PTPRD: variants seen among roughly 807,000 people sequenced by gnomAD.
PTPRD encodes receptor-type tyrosine-protein phosphatase delta.
PTPRD carries 34 observed loss-of-function variants against 214.5 expected under a neutral mutation model. The observed-to-expected ratio is 0.16, with a 90% CI of 0.12 to 0.21. PTPRD has a LOEUF of 0.21. PTPRD is among the 10% of genes least tolerant of loss of function. The pLI, the probability that PTPRD is intolerant of heterozygous loss-of-function variation, is 1.00. For synonymous variants in PTPRD, 1,128 were observed against 845.7 expected (o/e 1.33, Z -5.79); for missense variants, 2,545 against 2,398.7 (o/e 1.06, Z -1.27).
intron 14 of PTPRD, among the ~76,000 whole-genome samples, chr9:8,626,187 A>G (rs1331210711): frequency 1.3e-5 from 2 of 151,868 alleles, no homozygotes; most frequent in East Asian, 3.9e-4. Flanking sequence ...AAACTGCTCA[A>G]ATTTTATCAA....
rs953768946 is a variant in PTPRD at position 8,316,209 on chromosome 9, A to C, written c.*1665T>G. The C allele has an allele frequency of 4.4e-6, 1 of 229,812 alleles. No individual in the cohort carries two copies. Among genetic ancestry groups the C allele is most frequent in the African/African-American group, 2.2e-5 (1 of 45,120 alleles). 14.2% of individuals were successfully genotyped at this position (229,812 alleles called of 1,614,324 possible). On this transcript the variant is annotated 3_prime_UTR_variant, in exon 46 of 46. Transcript: ENST00000381196. ...CGACTTGGCTGAAAACTAGGAATGC[A>C]TATTATTCAAAGAGTTTTTGTACAT... is the stretch of plus-strand genomic sequence containing the variant.
chr9:9,078,916 A>G (rs926143262), intron 10 of PTPRD, among the ~76,000 whole-genome samples: 8 of 152,086 alleles, frequency 5.3e-5, no homozygotes, highest in Non-Finnish European at 1.0e-4. Flanking sequence ...CAGGGTAATT[A>G]GCATATTTCA....
intron 11 of PTPRD, among the ~76,000 whole-genome samples, chr9:8,824,503 G>C (rs947774869): frequency 3.9e-5 from 6 of 152,174 alleles, no homozygotes; most frequent in African/African-American, 1.4e-4. Context: ...GTATCTGTAA[G>C]ATTAGTTAAC....
At chr9:10,578,234 T>G (rs1286711288) in intron 2 of PTPRD, among the ~76,000 whole-genome samples, 1 of 152,012 alleles carries the variant, frequency 6.6e-6, no homozygotes, top group Non-Finnish European at 1.5e-5. Flanking sequence ...TCACTGAGGG[T>G]TTCTCGAATG....
intron 10 of PTPRD, among the ~76,000 whole-genome samples, chr9:9,128,588 G>C (rs2099837743): frequency 1.3e-5 from 2 of 152,216 alleles, no homozygotes; most frequent in South Asian, 4.1e-4. Flanking sequence ...AAGTATAATA[G>C]TCTATACATG....
intron 3 of PTPRD, among the ~76,000 whole-genome samples, chr9:10,047,203 G>A (rs1370093049): frequency 3.3e-5 from 5 of 151,886 alleles, no homozygotes; most frequent in Admixed American, 1.3e-4. Context: ...TGGCACTGGT[G>A]TGCAAATCTC....
intron 8 of PTPRD, among the ~76,000 whole-genome samples, chr9:9,472,298 G>T (rs1278217723): frequency 6.6e-6 from 1 of 150,614 alleles, no homozygotes; most frequent in Non-Finnish European, 1.5e-5. Context: ...CCGCTTCCCG[G>T]GTTCACGCCA....
At chr9:9,246,088 G>T (rs1205220810) in intron 9 of PTPRD, among the ~76,000 whole-genome samples, 2 of 151,922 alleles carry the variant, frequency 1.3e-5, no homozygotes. Flanking sequence ...ATTTTACTTT[G>T]ATTATCTTTG....
intron 9 of PTPRD, among the ~76,000 whole-genome samples, chr9:9,310,199 G>T (rs537515194): frequency 6.6e-6 from 1 of 152,282 alleles, no homozygotes; most frequent in Non-Finnish European, 1.5e-5. Flanking sequence ...GTGTGGCTTG[G>T]AGAGGAAAGT....
intron 9 of PTPRD, among the ~76,000 whole-genome samples, chr9:9,236,942 T>C (rs1458471282): frequency 6.6e-6 from 1 of 152,170 alleles, no homozygotes. Flanking sequence ...ACCTTTTTGC[T>C]TCCTCTTTGG....
chr9:8,632,646 A>C (rs1036680739), intron 14 of PTPRD, among the ~76,000 whole-genome samples: 15 of 151,872 alleles, frequency 9.9e-5, no homozygotes, highest in Non-Finnish European at 1.9e-4. Flanking sequence ...ATTCTCCAGC[A>C]CTCTCATTGT....
chr9:10,261,020 GTA>G (rs2093660579), intron 3 of PTPRD, among the ~76,000 whole-genome samples: 1 of 116,322 alleles, frequency 8.6e-6, no homozygotes, highest in African/African-American at 2.8e-5. Flanking sequence ...ATATATGTGT[GTA>G]TATATATTAT....
intron 3 of PTPRD, among the ~76,000 whole-genome samples, chr9:10,256,550 C>A (rs2093297455): frequency 6.6e-6 from 1 of 152,104 alleles, no homozygotes; most frequent in South Asian, 2.1e-4. Flanking sequence ...TTATGTGGCA[C>A]TTAACTGTAA....
At chr9:8,505,621 T>A (rs2097527681) in intron 22 of PTPRD, among the ~76,000 whole-genome samples, 1 of 94,468 alleles carries the variant, frequency 1.1e-5, no homozygotes. Flanking sequence ...GGAGACTCTG[T>A]CTCAAAAAAA....
At chr9:9,374,817 T>C (rs1459127454) in intron 9 of PTPRD, among the ~76,000 whole-genome samples, 3 of 152,224 alleles carry the variant, frequency 2.0e-5, no homozygotes, top group South Asian at 2.1e-4. Flanking sequence ...ACCATTTTCA[T>C]CTTTCAAGTC....
chr9:9,574,409 A>T (rs1393442814), intron 8 of PTPRD, among the ~76,000 whole-genome samples: 1 of 152,016 alleles, frequency 6.6e-6, no homozygotes, highest in African/African-American at 2.4e-5. Context: ...GCCATCAAAT[A>T]GACTTCATTA....
chr9:8,820,155 A>G (rs966413769), intron 11 of PTPRD, among the ~76,000 whole-genome samples: 1 of 152,208 alleles, frequency 6.6e-6, no homozygotes, highest in Non-Finnish European at 1.5e-5. Flanking sequence ...ATATGTTTAT[A>G]TTCTTAAAAT....
At chr9:10,309,856 C>CA (rs2096217756) in intron 3 of PTPRD, among the ~76,000 whole-genome samples, 1 of 152,040 alleles carries the variant, frequency 6.6e-6, no homozygotes, top group African/African-American at 2.4e-5. Context: ...GCAGGCTACG[C>CA]AGTATTTGAC....
At chr9:9,513,068 C>T (rs1481665645) in intron 8 of PTPRD, among the ~76,000 whole-genome samples, 5 of 151,794 alleles carry the variant, frequency 3.3e-5, no homozygotes, top group Admixed American at 6.6e-5. Flanking sequence ...TTAGTGATCT[C>T]ATAAATTCTG....
Sources: allele counts gnomAD v4.1 joint callset (sites outside exome capture counted in the v4.1 genomes callset), GRCh38; gene constraint gnomAD v4.1.1; transcripts MANE v1.5; gene names NCBI Gene and HGNC (gene_info 2026-07-23, HGNC 2026-07-21).